The following ATP2C2 variants were observed in gnomAD, a reference collection of about 807,000 sequenced individuals.
ATP2C2 encodes the protein ATPase secretory pathway Ca2+ transporting 2.
In ATP2C2, 171 loss-of-function variants were observed where a neutral mutation model predicts 110.8. The ratio of observed to expected loss-of-function variants is 1.54; its 90% CI spans 1.36 to 1.75. The LOEUF (loss-of-function observed/expected upper bound fraction) is 1.75, where lower values mean the gene tolerates loss of function less well. ATP2C2 is among the 40% of genes most tolerant of loss of function. The pLI is 0.00. For synonymous variants in ATP2C2, 804 were observed against 508.4 expected, an observed-to-expected ratio of 1.58 and a Z score of -7.82; for missense variants, 1,963 against 1,235.0, an observed-to-expected ratio of 1.59 and a Z score of -8.84.
chr16:84,447,039 G>T (rs967171756), intron 16 of ATP2C2, among the ~76,000 whole-genome samples: 4 of 152,164 alleles, frequency 2.6e-5, no homozygotes, highest in Non-Finnish European at 4.4e-5. Flanking sequence ...GGACATTACA[G>T]CTGATTTTTA....
At chr16:84,405,065 T>C (rs770739112) in intron 2 of ATP2C2, 63 bp from the exon 3 acceptor site, 3 of 1,362,960 alleles carry the variant, frequency 2.2e-6, no homozygotes, top group South Asian at 2.3e-5. Context: ...TGGGAGTCTG[T>C]ACCCTGTTGC....
chr16:84,369,962 G>A (rs1050743226), intron 1 of ATP2C2, among the ~76,000 whole-genome samples: 5 of 152,294 alleles, frequency 3.3e-5, no homozygotes, highest in African/African-American at 9.6e-5. Flanking sequence ...CTGCTTCTGC[G>A]ATACATTCTG....
chr16:84,380,470 T>C (rs1306518210), intron 1 of ATP2C2, among the ~76,000 whole-genome samples: 1 of 152,218 alleles, frequency 6.6e-6, no homozygotes, highest in Non-Finnish European at 1.5e-5. Context: ...TCCCCCACTT[T>C]ATGGATCCTA....
chr16:84,392,937 A>C (rs1449263176), intron 1 of ATP2C2, among the ~76,000 whole-genome samples: 1 of 151,950 alleles, frequency 6.6e-6, no homozygotes, highest in Non-Finnish European at 1.5e-5. Flanking sequence ...AACTCAGGAG[A>C]TGTGTTTGGC....
chr16:84,405,235 C>T lies in ATP2C2; in HGVS notation c.318C>T (p.Tyr106=). 6.2e-7 allele frequency: 1 copy of T among 1,613,318 alleles called. No individual in the cohort carries two copies. The highest frequency in any genetic ancestry group is 8.5e-7 in the Non-Finnish European group (1 of 1,179,374). ...ACAGCGAACCTGTGTGGAAGAAATA[C>T]CTGGATCAGGTAGGACCAGAGGTGT... The part of the protein sequence containing the change: ...ADNSEPVWKK[Y]LDQFKNPLIL... The change falls in exon 3 of 27, where the codon TAC becomes TAT. Residue 106 remains tyrosine (Y), a synonymous_variant. Coordinates refer to ENST00000262429, the MANE Select transcript of ATP2C2 (RefSeq NM_014861.4).
rs748223913 is a variant in ATP2C2 at position 84,425,802 on chromosome 16, G to GT, written c.986+2dup. 6.2e-7 allele frequency: 1 copy of GT among 1,614,104 alleles called. No homozygotes were observed. The highest frequency in any genetic ancestry group is 1.1e-5 in the South Asian group (1 of 91,082). ...TGAGTATGTTCACGATCGGGGTCAG[G>GT]TAAGAGTGCTATGGCCGCCCCTTGC... is the stretch of plus-strand genomic sequence containing the variant. On this transcript the variant is annotated splice_donor_variant, in intron 11 of 26. Coordinates refer to ENST00000262429, the MANE Select transcript of ATP2C2 (RefSeq NM_014861.4). LOFTEE classifies it high-confidence loss of function.
chr16:84,453,905 A>G (rs1910553204), intron 20 of ATP2C2, among the ~76,000 whole-genome samples: 1 of 152,104 alleles, frequency 6.6e-6, no homozygotes, highest in African/African-American at 2.4e-5. Context: ...CAGTGGCACA[A>G]TCTCGGCTTA....
At chr16:84,412,419 T>TGTGC (rs1906429322) in intron 6 of ATP2C2, among the ~76,000 whole-genome samples, 1 of 150,764 alleles carries the variant, frequency 6.6e-6, no homozygotes, top group African/African-American at 2.4e-5. Context: ...TGTGTCTGTG[T>TGTGC]ATGTGTGTGC....
chr16:84,453,720 C>G (rs917197381), intron 20 of ATP2C2, among the ~76,000 whole-genome samples: 1 of 152,142 alleles, frequency 6.6e-6, no homozygotes, highest in African/African-American at 2.4e-5. Context: ...CCCACCAAAC[C>G]TGGGGATAAT....
At chr16:84,377,050 A>T (rs568846949) in intron 1 of ATP2C2, among the ~76,000 whole-genome samples, 6 of 152,326 alleles carry the variant, frequency 3.9e-5, no homozygotes, top group African/African-American at 1.4e-4. Flanking sequence ...ATCTCACATG[A>T]TGGTGATAAG....
At position 84,393,358 on chromosome 16, in the gene ATP2C2, G is replaced by A. The variant is rs552292967; in HGVS notation, c.100-5141G>A. ...CCCAAATGCAGGGCGAGGAGTGGCA[G>A]CGTCCACGAGCTCAGTCACCAACCC... On this transcript the variant is annotated intron_variant, in intron 1 of 26. Transcript: ENST00000262429. Among the ~76,000 whole-genome samples the A allele has an allele frequency of 2.6e-5, 4 of 152,268 alleles. No homozygotes were observed. The East Asian group carries it at 5.8e-4, about 22-fold the overall frequency.
At chr16:84,424,315 G>T (rs1217064261) in intron 10 of ATP2C2, among the ~76,000 whole-genome samples, 1 of 152,162 alleles carries the variant, frequency 6.6e-6, no homozygotes, top group Non-Finnish European at 1.5e-5. Flanking sequence ...GTCTCACTCT[G>T]TTGCCCAGAC....
In ATP2C2 at chr16:84,451,872, C is replaced by A. The variant is rs368277621; in HGVS notation, c.1661-49C>A. 3 of 1,540,602 alleles carry A rather than the reference C, an allele frequency of 1.9e-6. 1 individual carries two copies. On this transcript the variant is annotated intron_variant, in intron 17 of 26. Transcript: ENST00000262429. ...AACAACAACCAACAACAAAAAACGA[C>A]GGCCCCTAAGCCCCCGGTGACCCCT...
intron 15 of ATP2C2, among the ~76,000 whole-genome samples, chr16:84,445,439 A>C (rs998546679): frequency 1.3e-5 from 2 of 151,384 alleles, no homozygotes; most frequent in East Asian, 2.0e-4. Flanking sequence ...TGATCTCCTC[A>C]CCCCGTGATC....
At chr16:84,413,321 C>T (rs186060268) in intron 6 of ATP2C2, among the ~76,000 whole-genome samples, 1 of 152,226 alleles carries the variant, frequency 6.6e-6, no homozygotes, top group East Asian at 1.9e-4. Context: ...TACGGTCCCG[C>T]GTCTCAAAGA....
At chr16:84,384,033 C>T (rs1323171655) in intron 1 of ATP2C2, among the ~76,000 whole-genome samples, 7 of 152,236 alleles carry the variant, frequency 4.6e-5, no homozygotes, top group African/African-American at 1.7e-4. Flanking sequence ...AAGCAATCCT[C>T]CCACCTCAGC....
chr16:84,425,525 C>A (rs1372530600), intron 10 of ATP2C2, among the ~76,000 whole-genome samples: 1 of 148,624 alleles, frequency 6.7e-6, no homozygotes, highest in Non-Finnish European at 1.5e-5. Context: ...TTGGCTTGGA[C>A]CTTTCCTAAG....
Position 84,451,938 on chromosome 16 carries a change from G to A in ATP2C2, c.1678G>A (p.Gly560Arg). ...LGLRVLALASGPELGRLTFLG... is the reference protein window; with the variant it reads ...LGLRVLALASRPELGRLTFLG... ...CTCCTCAGTGCTGGCCCTGGCTTCT[G>A]GGCCCGAGCTGGGGCGGCTGACGTT... The change falls in exon 18 of 27, where the codon GGG (glycine) becomes AGG (arginine). Residue 560 changes from glycine to arginine, a missense_variant. By Grantham distance (125) the Gly-to-Arg change is moderately radical (BLOSUM62 -2). Coordinates refer to ENST00000262429, the MANE Select transcript of ATP2C2 (RefSeq NM_014861.4). The A allele has an allele frequency of 6.2e-7, 1 of 1,614,002 alleles. No homozygotes were observed. The highest frequency in any genetic ancestry group is 8.5e-7 in the Non-Finnish European group (1 of 1,180,012).
rs762753928 is a variant in ATP2C2, at chr16:84,453,370, A to G, written c.1979A>G (p.Lys660Arg). Residue 660 changes from lysine to arginine, a missense_variant and splice_region_variant, in exon 20 of 27, where the codon AAG becomes AGG. By Grantham distance (26) the Lys-to-Arg change is conservative. Coordinates refer to ENST00000262429, the MANE Select transcript of ATP2C2 (RefSeq NM_014861.4). ...TSPKHKLKII[K>R]ALQESGAIVA... ...CCAAAGCACAAGCTCAAAATCATCA[A>G]GGTTCGCTGGGCAAGGCAGGCACAG... The G allele has an allele frequency of 6.2e-7, 1 of 1,614,152 alleles. No homozygotes were observed. The highest frequency in any genetic ancestry group is 8.5e-7 in the Non-Finnish European group (1 of 1,180,016).
Sources: allele counts gnomAD v4.1 joint callset (sites outside exome capture counted in the v4.1 genomes callset), GRCh38; gene constraint gnomAD v4.1.1; transcripts MANE v1.5; gene names NCBI Gene and HGNC (gene_info 2026-07-23, HGNC 2026-07-21).